SLC5A8: variants seen among roughly 807,000 people sequenced by gnomAD.
SLC5A8 encodes sodium-coupled monocarboxylate transporter 1.
Under a neutral mutation model 71.9 loss-of-function variants are expected in SLC5A8, and 55 were observed. The ratio of observed to expected loss-of-function variants is 0.77; its 90% CI spans 0.62 to 0.96. The LOEUF is 0.96. Among genes scored for constraint, SLC5A8 ranks in the 40% least tolerant of loss-of-function variants. The pLI is 0.00. For synonymous variants in SLC5A8, 307 were observed against 276.1 expected, an observed-to-expected ratio of 1.11 and a Z score of -1.11; for missense variants, 701 against 745.3, an observed-to-expected ratio of 0.94 and a Z score of 0.69.
chr12:101,181,848 T>C (rs1417621961), intron 9 of SLC5A8, among the ~76,000 whole-genome samples: 1 of 152,208 alleles, frequency 6.6e-6, no homozygotes, highest in Non-Finnish European at 1.5e-5. Flanking sequence ...TAGGGAATAC[T>C]GAAGGATATA....
Position 101,193,798 on chromosome 12 carries a change from T to G in SLC5A8, c.538-19A>C. ...GACCACCCTTTGAGGGGAAAGTATA[T>G]TAGGATTAATGCTTCTATTAGACAT... On this transcript the variant is annotated intron_variant, in intron 4 of 14. Transcript: ENST00000536262. 6.2e-7 allele frequency: 1 copy of G among 1,612,314 alleles called. No homozygotes were observed. Among genetic ancestry groups the G allele is most frequent in the Non-Finnish European group, 8.5e-7 (1 of 1,179,076 alleles).
chr12:101,172,718 G>T (rs1436158508), intron 10 of SLC5A8, among the ~76,000 whole-genome samples: 1 of 152,152 alleles, frequency 6.6e-6, no homozygotes, highest in East Asian at 1.9e-4. Context: ...GTGGTATAGG[G>T]TGAGTTCCCT....
Position 101,158,550 on chromosome 12 carries a change from GTCTCTCTCTCTCTCTC to G in SLC5A8, c.1631-238_1631-223del, listed in dbSNP as rs372186123. Reference sequence around the variant, plus strand: ...AAGCCTCTCACTATAATAAATATGAGTCTCTCTCTCTCTCTCTCTCTCTCTCTCTCTCTCTCTCTCT... The same window carrying G: ...AAGCCTCTCACTATAATAAATATGAGTCTCTCTCTCTCTCTCTCTCTCTCT... On this transcript the variant is annotated intron_variant, in intron 13 of 14. Coordinates refer to ENST00000536262, the MANE Select transcript of SLC5A8 (RefSeq NM_145913.5). Among the ~76,000 whole-genome samples the G allele has an allele frequency of 1.8e-3, 86 of 48,480 alleles. 1 individual carries two copies. Among genetic ancestry groups the G allele is most frequent in the East Asian group, 3.8e-3 (3 of 798 alleles). The allele number at this position is 48,480 out of a possible 152,430, so 31.8% of individuals were successfully genotyped here. A position where few individuals can be genotyped will look rare whatever the true frequency, so the allele number is the denominator to read the frequency against.
At chr12:101,180,000 G>A in intron 10 of SLC5A8, 29 bp downstream of exon 10, 1 of 1,612,438 alleles carries the variant, frequency 6.2e-7, no homozygotes. Flanking sequence ...AGTGATTTAT[G>A]ACTTAAACCT....
At position 101,206,992 on chromosome 12, in the gene SLC5A8, C is replaced by T. The variant is rs140318065; in HGVS notation, c.352-2427G>A. Among the ~76,000 whole-genome samples, 342 of 152,282 alleles carry T rather than the reference C, an allele frequency of 2.2e-3. 3 individuals carry two copies. Among genetic ancestry groups the T allele is most frequent in the African/African-American group, 7.7e-3 (321 of 41,554 alleles). ...AGATTTCATACTTGAGCAAGAATGC[C>T]AGGGTATCAATCACTCAACACTGTA... On this transcript the variant is annotated intron_variant, in intron 1 of 14. Transcript: ENST00000536262.
intron 3 of SLC5A8, among the ~76,000 whole-genome samples, chr12:101,200,466 C>A (rs1347399591): frequency 6.6e-6 from 1 of 151,732 alleles, no homozygotes; most frequent in Non-Finnish European, 1.5e-5. Flanking sequence ...AACTGGTTTT[C>A]AATTTTAAAA....
In SLC5A8 at chr12:101,157,408, G is replaced by A. The variant is rs1279284368; in HGVS notation, c.1711-7C>T. 1 of 1,581,084 alleles carries A rather than the reference G, an allele frequency of 6.3e-7. No homozygotes were observed. Among genetic ancestry groups the A allele is most frequent in the South Asian group, 1.1e-5 (1 of 87,104 alleles). ...AGCTCAAAACATGCTTCTTCTAAAA[G>A]AAAATGTTAACATGGTGATTAGGGG... On this transcript the variant is annotated splice_region_variant and splice_polypyrimidine_tract_variant and intron_variant, in intron 14 of 14. Transcript: ENST00000536262.
chr12:101,189,483 C>T (rs1346435995), intron 6 of SLC5A8, among the ~76,000 whole-genome samples: 4 of 152,122 alleles, frequency 2.6e-5, no homozygotes, highest in African/African-American at 9.7e-5. Flanking sequence ...CTCACCCTAT[C>T]CACCCTGGAC....
At chr12:101,192,971 CTTTTTTT>C (rs35246165) in intron 5 of SLC5A8, among the ~76,000 whole-genome samples, 3 of 125,950 alleles carry the variant, frequency 2.4e-5, no homozygotes, top group Non-Finnish European at 3.3e-5. Context: ...TACCTTTTCT[CTTTTTTT>C]TTTTTTTTTT....
At chr12:101,161,952 A>G (rs749724308) in intron 13 of SLC5A8, 22 bp downstream of exon 13, 24 of 1,517,292 alleles carry the variant, frequency 1.6e-5, no homozygotes, top group Admixed American at 5.0e-5. Flanking sequence ...AAATACAACA[A>G]TACTAATGTT....
intron 5 of SLC5A8, among the ~76,000 whole-genome samples, chr12:101,192,442 C>A (rs191161397): frequency 6.6e-6 from 1 of 152,074 alleles, no homozygotes; most frequent in African/African-American, 2.4e-5. Flanking sequence ...TATGTTAAAG[C>A]GGGGCTGCGA....
chr12:101,195,240 G>T lies in SLC5A8; in HGVS notation c.470-78C>A. The T allele has an allele frequency of 2.7e-6, 4 of 1,488,248 alleles. 1 individual carries two copies. The South Asian group carries it at 4.8e-5, about 18-fold the overall frequency. The allele number at this position is 1,488,248 out of a possible 1,614,324, so 92.2% of individuals were successfully genotyped here. On this transcript the variant is annotated intron_variant, in intron 3 of 14. Coordinates refer to ENST00000536262, the MANE Select transcript of SLC5A8 (RefSeq NM_145913.5). Reference sequence around the variant, plus strand: ...TAATCCTCAAAAATCATCAGAGAAGGAAGCTATATCATTTATCAGGCACCT... The same window carrying T: ...TAATCCTCAAAAATCATCAGAGAAGTAAGCTATATCATTTATCAGGCACCT...
chr12:101,179,280 C>A (rs1593370898), intron 10 of SLC5A8, among the ~76,000 whole-genome samples: 1 of 152,192 alleles, frequency 6.6e-6, no homozygotes, highest in Non-Finnish European at 1.5e-5. Context: ...AGTCACCTGA[C>A]AGTTGCACTC....
intron 4 of SLC5A8, among the ~76,000 whole-genome samples, chr12:101,194,844 T>A (rs148815101): frequency 4.6e-5 from 7 of 152,222 alleles, no homozygotes; most frequent in African/African-American, 1.7e-4. Context: ...ACAGTACAGA[T>A]GAATCAAGAG....
At chr12:101,209,412 G>C in intron 1 of SLC5A8, 86 bp downstream of exon 1, 1 of 990,286 alleles carries the variant, frequency 1.0e-6, no homozygotes, top group Non-Finnish European at 1.5e-6. Flanking sequence ...GGCAGTGACA[G>C]TCTGCCCCCA....
chr12:101,206,060 G>A (rs1367893449), intron 1 of SLC5A8, among the ~76,000 whole-genome samples: 1 of 152,108 alleles, frequency 6.6e-6, no homozygotes, highest in Admixed American at 6.5e-5. Flanking sequence ...AAAATGAGGG[G>A]CATAATAATA....
At chr12:101,160,563 T>C (rs2051714767) in intron 13 of SLC5A8, among the ~76,000 whole-genome samples, 1 of 152,124 alleles carries the variant, frequency 6.6e-6, no homozygotes, top group Non-Finnish European at 1.5e-5. Context: ...GTGGCTGCTA[T>C]GGATGCATAC....
chr12:101,161,187 A>C (rs10161348), intron 13 of SLC5A8, among the ~76,000 whole-genome samples: 57 of 142,802 alleles, frequency 4.0e-4, no homozygotes, highest in African/African-American at 1.4e-3. Flanking sequence ...TAGATTAAAT[A>C]ATTTTTTTTC....
At chr12:101,177,477 ACGCATGCATG>A (rs2051891271) in intron 10 of SLC5A8, among the ~76,000 whole-genome samples, 2 of 150,706 alleles carry the variant, frequency 1.3e-5, no homozygotes, top group African/African-American at 4.9e-5. Context: ...ACACACACAC[ACGCATGCATG>A]CACACACACA....
Sources: allele counts gnomAD v4.1 joint callset (sites outside exome capture counted in the v4.1 genomes callset), GRCh38; gene constraint gnomAD v4.1.1; transcripts MANE v1.5; gene names NCBI Gene and HGNC (gene_info 2026-07-23, HGNC 2026-07-21).